Variants in BTG4 observed in about 807,000 individuals in gnomAD.
The protein encoded by BTG4 is protein BTG4.
A neutral mutation model predicts 19.3 loss-of-function variants in BTG4; 10 were observed. The observed-to-expected ratio is 0.52, with a 90% CI of 0.32 to 0.88. The LOEUF (loss-of-function observed/expected upper bound fraction) is 0.88. BTG4 is among the 40% of genes least tolerant of loss of function. The pLI is 0.04. For synonymous variants in BTG4, 91 were observed against 95.7 expected (o/e 0.95, Z 0.29); for missense variants, 238 against 281.9 (o/e 0.84, Z 1.11).
chr11:111,509,999 C>A (rs1866759207), intron 1 of BTG4, among the ~76,000 whole-genome samples: 1 of 149,540 alleles, frequency 6.7e-6, no homozygotes, highest in Admixed American at 6.7e-5. Context: ...GCAACCTCTG[C>A]CTCCCGGGTT....
the BTG4 span, among the ~76,000 whole-genome samples, chr11:111,444,576 T>C: frequency 5.9e-5 from 9 of 152,156 alleles, no homozygotes; most frequent in African/African-American, 2.2e-4. Context: ...ATAACTTCAT[T>C]GCACATTTTA....
chr11:111,512,934 C>A, upstream of BTG4: 1 of 445,970 alleles, frequency 2.2e-6, no homozygotes, highest in South Asian at 1.7e-5. Flanking sequence ...GCCGCGGGTG[C>A]CCGGTGCTCG....
the BTG4 span, among the ~76,000 whole-genome samples, chr11:111,448,862 A>C: frequency 6.7e-6 from 1 of 148,244 alleles, no homozygotes; most frequent in Non-Finnish European, 1.5e-5. Flanking sequence ...ACTTTTTTTT[A>C]GTCTTGCATG....
chr11:111,401,612 C>A, the BTG4 span, among the ~76,000 whole-genome samples: 1 of 152,136 alleles, frequency 6.6e-6, no homozygotes, highest in Non-Finnish European at 1.5e-5. Flanking sequence ...CCAGATTGTA[C>A]ATAGGGTGGG....
chr11:111,413,238 A>C, the BTG4 span, among the ~76,000 whole-genome samples: 1 of 152,234 alleles, frequency 6.6e-6, no homozygotes, highest in African/African-American at 2.4e-5. Context: ...TCCGATCACA[A>C]AGTCCTTTTA....
At chr11:111,432,556 A>T in the BTG4 span, among the ~76,000 whole-genome samples, 154 of 152,290 alleles carry the variant, frequency 1.0e-3, no homozygotes, top group African/African-American at 3.6e-3. Context: ...AGGCAGGAGA[A>T]TCTGTAGAAC....
the BTG4 span, among the ~76,000 whole-genome samples, chr11:111,399,411 T>C: frequency 6.6e-6 from 1 of 152,240 alleles, no homozygotes; most frequent in Non-Finnish European, 1.5e-5. Context: ...TTTGGACTCC[T>C]TTTGAACATA....
At chr11:111,473,134 G>A (rs1391093041) in intron 5 of BTG4, among the ~76,000 whole-genome samples, 1 of 151,190 alleles carries the variant, frequency 6.6e-6, no homozygotes, top group Non-Finnish European at 1.5e-5. Context: ...TTGTGGAGCT[G>A]GAATGTTAGT....
the BTG4 span, chr11:111,449,674 C>T: frequency 5.9e-5 from 9 of 152,532 alleles, no homozygotes; most frequent in East Asian, 1.4e-3. Context: ...AAGAGCTTCC[C>T]CAGGGAGGTG....
intron 1 of BTG4, among the ~76,000 whole-genome samples, chr11:111,508,569 A>G (rs1430827334): frequency 6.6e-6 from 1 of 151,698 alleles, no homozygotes; most frequent in Non-Finnish European, 1.5e-5. Flanking sequence ...CTACCAAAAC[A>G]TTCCCTCTTC....
intron 5 of BTG4, among the ~76,000 whole-genome samples, chr11:111,477,501 C>T (rs929988142): frequency 1.3e-5 from 2 of 152,078 alleles, no homozygotes; most frequent in Non-Finnish European, 2.9e-5. Flanking sequence ...AGAATTCTAT[C>T]TTTGAGGAAG....
chr11:111,507,892 T>G (rs897334833), intron 1 of BTG4: 2 of 152,182 alleles, frequency 1.3e-5, no homozygotes, highest in African/African-American at 4.8e-5. Flanking sequence ...CAGCAGACCT[T>G]TCTTGGAGAA....
chr11:111,499,225 A>G (rs1163674750), intron 1 of BTG4, among the ~76,000 whole-genome samples: 1 of 152,214 alleles, frequency 6.6e-6, no homozygotes. Context: ...GAATAATCAA[A>G]CACATTATAC....
Position 111,498,087 on chromosome 11 carries a change from C to T in BTG4, c.222G>A (p.Arg74=), listed in dbSNP as rs1330126570. Residue 74 remains arginine (R), a synonymous_variant, in exon 3 of 5, where the codon AGG becomes AGA. Coordinates refer to ENST00000692032, the MANE Select transcript of BTG4 (RefSeq NM_001367975.1). ...AATCTACATTACTTTCCACACATGC[C>T]CTTTCTAGAATGGGATCTTTATTCT... ...NNQNKDPILE[R]ACVESNVDFS... 1 of 1,613,994 alleles carries T rather than the reference C, an allele frequency of 6.2e-7. No individual in the cohort carries two copies. The highest frequency in any genetic ancestry group is 8.5e-7 in the Non-Finnish European group (1 of 1,179,992).
At chr11:111,462,785 G>T (rs188998414), downstream of BTG4, 3 of 152,670 alleles carry the variant, frequency 2.0e-5, no homozygotes, top group Non-Finnish European at 2.9e-5. Context: ...CGGCTGCAGG[G>T]CCAGGAGGAG....
chr11:111,503,734 T>C (rs1866252536), intron 1 of BTG4, among the ~76,000 whole-genome samples: 1 of 152,134 alleles, frequency 6.6e-6, no homozygotes, highest in Admixed American at 6.6e-5. Flanking sequence ...GAGAATCAAA[T>C]GGTATAAAAC....
the BTG4 span, among the ~76,000 whole-genome samples, chr11:111,437,777 T>G: frequency 1.3e-4 from 20 of 152,302 alleles, no homozygotes; most frequent in African/African-American, 4.8e-4. Flanking sequence ...GGTCTCTTAC[T>G]TGCTTCTGCT....
intron 1 of BTG4, among the ~76,000 whole-genome samples, chr11:111,508,266 C>A (rs980604898): frequency 8.5e-5 from 13 of 152,116 alleles, no homozygotes; most frequent in Non-Finnish European, 1.2e-4. Flanking sequence ...CTCTGTCTCT[C>A]CCTCTTCTAA....
chr11:111,442,348 A>T, the BTG4 span, among the ~76,000 whole-genome samples: 2 of 151,600 alleles, frequency 1.3e-5, no homozygotes, highest in African/African-American at 4.8e-5. Context: ...AAAAATACAA[A>T]AAATTAGCCA....
Sources: gnomAD v4.1 joint callset for allele counts (sites outside exome capture counted in the v4.1 genomes callset) on GRCh38, gnomAD v4.1.1 for gene constraint, MANE v1.5 for transcripts, NCBI Gene and HGNC (gene_info 2026-07-23, HGNC 2026-07-21) for gene names.